ST7L: variants seen among roughly 807,000 people sequenced by gnomAD.
ST7L encodes the protein suppressor of tumorigenicity 7 protein-like.
ST7L carries 57 observed loss-of-function variants against 72.5 expected under a neutral mutation model. The observed-to-expected ratio is 0.79, with a 90% confidence interval of 0.64 to 0.98. The LOEUF is 0.98. Ranked by LOEUF, ST7L falls within the 50% of genes least tolerant of loss-of-function variation. The probability of loss-of-function intolerance (pLI) is 0.00; values close to 1 mark genes in which losing one functional copy is unlikely to be tolerated. For synonymous variants in ST7L, 221 were observed against 240.9 expected (o/e 0.92, Z 0.77); for missense variants, 576 against 672.2 (o/e 0.86, Z 1.58).
chr1:112,617,169 G>A (rs1163436628), intron 1 of ST7L: 3 of 206,584 alleles, frequency 1.5e-5, no homozygotes, highest in South Asian at 2.0e-4. Flanking sequence ...AAGTCTGTAA[G>A]AATAAAAAGA....
At chr1:112,588,238 G>A (rs1665155557) in intron 6 of ST7L, among the ~76,000 whole-genome samples, 1 of 152,164 alleles carries the variant, frequency 6.6e-6, no homozygotes, top group South Asian at 2.1e-4. Flanking sequence ...TCTGTGAATG[G>A]AGATAGTTTT....
chr1:112,603,844 C>T (rs186629331), intron 3 of ST7L, among the ~76,000 whole-genome samples: 41 of 152,222 alleles, frequency 2.7e-4, no homozygotes, highest in African/African-American at 8.7e-4. Flanking sequence ...TATTATAAGG[C>T]CTTCCTGTCT....
intron 2 of ST7L, among the ~76,000 whole-genome samples, chr1:112,613,102 G>A (rs1669319738): frequency 2.0e-5 from 3 of 151,698 alleles, no homozygotes; most frequent in South Asian, 4.2e-4. Context: ...CTGGGTGACA[G>A]AGTAAAACAC....
At chr1:112,552,805 A>G (rs1658449006) in intron 12 of ST7L, among the ~76,000 whole-genome samples, 1 of 152,150 alleles carries the variant, frequency 6.6e-6, no homozygotes, top group Non-Finnish European at 1.5e-5. Context: ...CATGAAATAC[A>G]GTATAAATCA....
chr1:112,597,202 G>T (rs1666614251), intron 5 of ST7L, among the ~76,000 whole-genome samples: 1 of 152,186 alleles, frequency 6.6e-6, no homozygotes, highest in East Asian at 1.9e-4. Context: ...CTATGACAAG[G>T]AATCCCAGAG....
chr1:112,535,429 A>T (rs1655038477), intron 14 of ST7L, among the ~76,000 whole-genome samples: 1 of 151,282 alleles, frequency 6.6e-6, no homozygotes, highest in South Asian at 2.1e-4. Context: ...AAGATGAAGA[A>T]GAAGAAGTAC....
At chr1:112,572,839 G>T (rs969731338) in intron 11 of ST7L, among the ~76,000 whole-genome samples, 9 of 152,138 alleles carry the variant, frequency 5.9e-5, no homozygotes, top group African/African-American at 2.2e-4. Context: ...GAAAATTACA[G>T]AGTTAAGTAC....
At chr1:112,547,816 A>G (rs948956613) in intron 13 of ST7L, among the ~76,000 whole-genome samples, 1 of 151,716 alleles carries the variant, frequency 6.6e-6, no homozygotes, top group Non-Finnish European at 1.5e-5. Flanking sequence ...CGCTCGCTTC[A>G]GCCTCCCAAA....
intron 11 of ST7L, among the ~76,000 whole-genome samples, chr1:112,568,888 A>ATATATATATATATATAT (rs1557994022): frequency 3.8e-5 from 5 of 132,180 alleles, no homozygotes; most frequent in African/African-American, 9.2e-5. Flanking sequence ...ATATATATAT[A>ATATATATATATATATAT]AAACAAAAAT....
intron 13 of ST7L, among the ~76,000 whole-genome samples, chr1:112,549,325 G>A (rs761617864): frequency 2.6e-5 from 4 of 152,078 alleles, no homozygotes; most frequent in East Asian, 1.9e-4. Flanking sequence ...CCCAGGAGGC[G>A]GAGGTTGTAG....
chr1:112,566,438 C>T (rs538617849), intron 11 of ST7L, among the ~76,000 whole-genome samples: 17 of 151,774 alleles, frequency 1.1e-4, no homozygotes, highest in African/African-American at 4.1e-4. Context: ...GCTGGGACTA[C>T]AGGTGTGTGC....
In ST7L at chr1:112,618,970, C is replaced by G; in HGVS notation, c.144G>C (p.Ala48=). 3.1e-6 allele frequency: 5 copies of G among 1,606,868 alleles called. No individual in the cohort carries two copies. The highest frequency in any genetic ancestry group is 4.2e-6 in the Non-Finnish European group (5 of 1,176,706). Residue 48 remains alanine, a synonymous_variant, in exon 1 of 15, where the codon GCG becomes GCC. Coordinates refer to ENST00000358039, the MANE Select transcript of ST7L (RefSeq NM_017744.5). ...TCAGGGCGTAAAGCAGCCCCAGCCCCGCCACGAACCACAACGAGGCCCCAG... is the reference window on the plus strand; with the variant it reads ...TCAGGGCGTAAAGCAGCCCCAGCCCGGCCACGAACCACAACGAGGCCCCAG... ...AGTGASLWFV[A]GLGLLYALRI...
chr1:112,612,107 T>A lies in ST7L; in HGVS notation c.289-1104A>T, dbSNP rs192210762. Among the ~76,000 whole-genome samples, 61 of 152,268 alleles carry A rather than the reference T, an allele frequency of 4.0e-4. No individual in the cohort carries two copies. In the East Asian group the frequency reaches 9.1e-3, roughly 23 times the overall value. Reference sequence around the variant, plus strand: ...TTTTAATCTTTTTATTTCCTTTTTTTAAAATGTTTTGAGATAGGATCCCAC... The same window carrying A: ...TTTTAATCTTTTTATTTCCTTTTTTAAAAATGTTTTGAGATAGGATCCCAC... On this transcript the variant is annotated intron_variant, in intron 2 of 14. Transcript: ENST00000358039.
At chr1:112,519,830 T>C (rs1453362257), downstream of ST7L, among the ~76,000 whole-genome samples, 2 of 151,698 alleles carry the variant, frequency 1.3e-5, no homozygotes, top group Non-Finnish European at 2.9e-5. Context: ...GTGGTAGAAC[T>C]GGGATTTGAA....
intron 11 of ST7L, among the ~76,000 whole-genome samples, chr1:112,573,320 C>T (rs536622983): frequency 1.2e-4 from 15 of 126,714 alleles, no homozygotes; most frequent in Admixed American, 1.0e-3. Flanking sequence ...TGCACTCCAG[C>T]CCGGGCAGCA....
intron 9 of ST7L, among the ~76,000 whole-genome samples, chr1:112,579,621 C>A (rs1663782171): frequency 6.6e-6 from 1 of 151,778 alleles, no homozygotes; most frequent in South Asian, 2.1e-4. Context: ...ATAAAAATTT[C>A]ATCTGGAACT....
intron 11 of ST7L, among the ~76,000 whole-genome samples, chr1:112,573,948 T>A: frequency 8.0e-6 from 1 of 124,996 alleles, no homozygotes; most frequent in Non-Finnish European, 1.6e-5. Flanking sequence ...GGAGTCTCAC[T>A]CTGTAGCCCA....
intron 3 of ST7L, among the ~76,000 whole-genome samples, chr1:112,605,673 G>A (rs1275539474): frequency 2.0e-5 from 3 of 151,934 alleles, no homozygotes; most frequent in African/African-American, 4.8e-5. Context: ...CTGGGCAACA[G>A]AGCAAGACTC....
At chr1:112,607,295 T>C (rs1209027765) in intron 3 of ST7L, 1 of 152,064 alleles carries the variant, frequency 6.6e-6, no homozygotes, top group Non-Finnish European at 1.5e-5. Flanking sequence ...GCTATGAATG[T>C]TGAAAGAAAA....
Sources: gnomAD v4.1 joint callset for allele counts (sites outside exome capture counted in the v4.1 genomes callset) on GRCh38, gnomAD v4.1.1 for gene constraint, MANE v1.5 for transcripts, NCBI Gene and HGNC (gene_info 2026-07-23, HGNC 2026-07-21) for gene names.